GPT2: variants seen among roughly 807,000 people sequenced by gnomAD.
GPT2 encodes alanine aminotransferase 2.
Under a neutral mutation model 56.9 loss-of-function variants are expected in GPT2, and 30 were observed. The ratio of observed to expected loss-of-function variants is 0.53; its 90% CI spans 0.39 to 0.72. The LOEUF (loss-of-function observed/expected upper bound fraction) is 0.72. GPT2 is among the 30% of genes least tolerant of loss of function. The pLI, the probability that GPT2 is intolerant of heterozygous loss-of-function variation, is 0.00. For synonymous variants in GPT2, 271 were observed against 283.1 expected, an observed-to-expected ratio of 0.96 and a Z score of 0.43; for missense variants, 542 against 703.4, an observed-to-expected ratio of 0.77 and a Z score of 2.60.
intron 10 of GPT2, 119 bp from the exon 11 acceptor site, chr16:46,926,806 A>C (rs528413678): frequency 1.8e-6 from 1 of 566,106 alleles, no homozygotes; most frequent in Non-Finnish European, 3.0e-6. Flanking sequence ...TAGGAGCGGA[A>C]GGGGAGAAGG....
intron 11 of GPT2, among the ~76,000 whole-genome samples, chr16:46,927,981 A>G (rs1312147561): frequency 6.6e-6 from 1 of 151,630 alleles, no homozygotes; most frequent in African/African-American, 2.4e-5. Context: ...TAGGAGTGAA[A>G]TCTCTCTCTC....
At chr16:46,928,344 G>A (rs1961459265) in intron 11 of GPT2, among the ~76,000 whole-genome samples, 1 of 151,756 alleles carries the variant, frequency 6.6e-6, no homozygotes, top group Non-Finnish European at 1.5e-5. Flanking sequence ...AAAAAATATG[G>A]CCAGGTGCAG....
intron 2 of GPT2, among the ~76,000 whole-genome samples, chr16:46,892,051 C>G (rs1960597113): frequency 6.6e-6 from 1 of 152,160 alleles, no homozygotes; most frequent in Admixed American, 6.5e-5. Context: ...AGTTTGTACC[C>G]TTTGACCAAC....
At chr16:46,896,099 C>T (rs540094134) in intron 2 of GPT2, among the ~76,000 whole-genome samples, 2 of 152,264 alleles carry the variant, frequency 1.3e-5, no homozygotes, top group Admixed American at 6.5e-5. Context: ...GTTCCTGGGC[C>T]GGCTTTTGTA....
intron 3 of GPT2, among the ~76,000 whole-genome samples, chr16:46,898,947 C>T (rs58165988): frequency 4.3e-4 from 59 of 136,564 alleles, no homozygotes; most frequent in Admixed American, 3.0e-3. Context: ...TATACACACA[C>T]ATATATGTGT....
intron 5 of GPT2, among the ~76,000 whole-genome samples, chr16:46,907,679 C>T (rs1960961383): frequency 6.6e-6 from 1 of 152,190 alleles, no homozygotes; most frequent in Non-Finnish European, 1.5e-5. Context: ...CAGCTGGCAC[C>T]AGTACAGGGC....
chr16:46,897,971 C>T (rs1179301738), intron 3 of GPT2, among the ~76,000 whole-genome samples: 1 of 152,136 alleles, frequency 6.6e-6, no homozygotes, highest in Non-Finnish European at 1.5e-5. Context: ...AAGGCGGGGT[C>T]CTGGGAGCTG....
At chr16:46,927,279 C>T (rs1961436952) in intron 11 of GPT2, among the ~76,000 whole-genome samples, 1 of 152,342 alleles carries the variant, frequency 6.6e-6, no homozygotes, top group Middle Eastern at 3.4e-3. Flanking sequence ...ACTATTCTGT[C>T]TCTCCCCTCT....
At chr16:46,905,476 C>A (rs569821689) in intron 4 of GPT2, among the ~76,000 whole-genome samples, 56 of 152,088 alleles carry the variant, frequency 3.7e-4, no homozygotes, top group Non-Finnish European at 6.5e-4. Flanking sequence ...TTTGCAGTAA[C>A]CACAGAAGGA....
intron 10 of GPT2, among the ~76,000 whole-genome samples, chr16:46,925,121 G>A (rs760922725): frequency 6.6e-6 from 1 of 151,874 alleles, no homozygotes; most frequent in Non-Finnish European, 1.5e-5. Flanking sequence ...TTTGTTGCCC[G>A]GGCTGGTTGC....
At position 46,916,723 on chromosome 16, in the gene GPT2, C is replaced by T; in HGVS notation, c.900+16C>T. The T allele has an allele frequency of 1.3e-6, 2 of 1,582,512 alleles. No individual in the cohort carries two copies. The highest frequency in any genetic ancestry group is 1.7e-6 in the Non-Finnish European group (2 of 1,151,374). On this transcript the variant is annotated intron_variant, in intron 7 of 11. Transcript: ENST00000340124. ...GGCTGATGAGGTAAGAATGTCCCCA[C>T]TCAGAGGGAGTGGGCACTAGCTTTC...
At chr16:46,885,039 C>A in intron 2 of GPT2, 81 bp downstream of exon 2, 2 of 1,383,958 alleles carry the variant, frequency 1.4e-6, no homozygotes, top group South Asian at 1.6e-5. Context: ...GGGTCCTTCC[C>A]ACGACGTCCA....
At chr16:46,916,510 G>A (rs1961168415) in intron 6 of GPT2, 118 bp from the exon 7 acceptor site, 1 of 775,956 alleles carries the variant, frequency 1.3e-6, no homozygotes, top group Non-Finnish European at 2.3e-6. Context: ...TGCGGGGAGG[G>A]TGTTCTATGG....
At position 46,918,670 on chromosome 16, in the gene GPT2, A is replaced by G. The variant is rs748970391; in HGVS notation, c.950A>G (p.Lys317Arg). 6 of 1,614,032 alleles carry G rather than the reference A, an allele frequency of 3.7e-6. No individual in the cohort carries two copies. In the Admixed American group the frequency reaches 1.0e-4, roughly 27 times the overall value. ...YSPDCRFHSF[K>R]KVLYEMGPEY... Reference sequence around the variant, plus strand: ...CCAGATTGCAGATTCCACTCCTTCAAGAAGGTGCTGTACGAGATGGGGCCC... The same window carrying G: ...CCAGATTGCAGATTCCACTCCTTCAGGAAGGTGCTGTACGAGATGGGGCCC... Residue 317 changes from lysine to arginine, a missense_variant, in exon 8 of 12, where the codon AAG (lysine) becomes AGG (arginine). Transcript: ENST00000340124.
At position 46,906,909 on chromosome 16, in the gene GPT2, G is replaced by A. The variant is rs116619352; in HGVS notation, c.510G>A (p.Arg170=). The A allele has an allele frequency of 8.3e-3, 13,414 of 1,614,234 alleles. 74 individuals carry two copies. The highest frequency in any genetic ancestry group is 0.01 in the Non-Finnish European group (11,970 of 1,180,048). ...REDVAAYITR[R]DGGVPADPDN... ...ATGTGGCTGCCTACATCACCAGGAG[G>A]GATGGCGGTGTGCCTGCGGACCCCG... is the stretch of plus-strand genomic sequence containing the variant. Residue 170 remains arginine (R), a synonymous_variant, in exon 5 of 12, where the codon AGG becomes AGA. Coordinates refer to ENST00000340124, the MANE Select transcript of GPT2 (RefSeq NM_133443.4).
In GPT2 at chr16:46,918,614, C is replaced by T. The variant is rs1047420530; in HGVS notation, c.901-7C>T. ...CTTTGGTGACCGTCCCTGCCGTGCC[C>T]CCGCAGGTGTACCAGGACAACGTGT... On this transcript the variant is annotated splice_region_variant and splice_polypyrimidine_tract_variant and intron_variant, in intron 7 of 11. Coordinates refer to ENST00000340124, the MANE Select transcript of GPT2 (RefSeq NM_133443.4). The T allele has an allele frequency of 2.5e-6, 4 of 1,613,974 alleles. No individual in the cohort carries two copies. Among genetic ancestry groups the T allele is most frequent in the Non-Finnish European group, 3.4e-6 (4 of 1,179,904 alleles).
chr16:46,914,110 A>T (rs1961096255), intron 6 of GPT2, among the ~76,000 whole-genome samples: 1 of 152,164 alleles, frequency 6.6e-6, no homozygotes, highest in Non-Finnish European at 1.5e-5. Context: ...CCGGTGCCAC[A>T]CTCAAAGCAG....
intron 9 of GPT2, chr16:46,924,061 G>T: frequency 2.6e-6 from 1 of 387,118 alleles, no homozygotes; most frequent in South Asian, 2.1e-5. Flanking sequence ...TGAGCGCTGT[G>T]GAAGAATTTG....
intron 2 of GPT2, among the ~76,000 whole-genome samples, chr16:46,887,468 AAAAC>A (rs954681001): frequency 1.3e-5 from 2 of 152,304 alleles, no homozygotes; most frequent in East Asian, 1.9e-4. Flanking sequence ...TCCATCTCAA[AAAAC>A]AAACAAAAAC....
Sources: allele counts gnomAD v4.1 joint callset (sites outside exome capture counted in the v4.1 genomes callset), GRCh38; gene constraint gnomAD v4.1.1; transcripts MANE v1.5; gene names NCBI Gene and HGNC (gene_info 2026-07-23, HGNC 2026-07-21).